The following GMDS variants were observed in gnomAD, a reference collection of about 807,000 sequenced individuals.
GMDS encodes the protein GDP-mannose 4,6-dehydratase, also known as GDP-mannose 4,6 dehydratase.
Under a neutral mutation model 49.9 loss-of-function variants are expected in GMDS, and 20 were observed. The observed-to-expected ratio is 0.40, with a 90% CI of 0.28 to 0.58. The LOEUF (loss-of-function observed/expected upper bound fraction) is 0.58, where lower values mean the gene tolerates loss of function less well. GMDS is among the 20% of genes least tolerant of loss of function. GMDS has a pLI of 0.42. For synonymous variants in GMDS, 177 were observed against 178.6 expected (o/e 0.99, Z 0.07); for missense variants, 362 against 481.4 (o/e 0.75, Z 2.32).
In GMDS at chr6:1,916,238, G is replaced by A. The variant is rs1001958867; in HGVS notation, c.771+13865C>T. On this transcript the variant is annotated intron_variant, in intron 7 of 10. Transcript: ENST00000380815. The stretch of plus-strand genomic sequence containing the variant: ...CAGCCACCTAGTTACAAGGTAGCAC[G>A]CCCACAGTGACCAGCGCTGATGAAA... Among the ~76,000 whole-genome samples, 7 of 152,174 alleles carry A rather than the reference G, an allele frequency of 4.6e-5. No homozygotes were observed. The East Asian group carries it at 7.7e-4, about 17-fold the overall frequency.
intron 4 of GMDS, among the ~76,000 whole-genome samples, chr6:2,068,512 A>G (rs1036334270): frequency 5.3e-5 from 8 of 152,298 alleles, no homozygotes; most frequent in South Asian, 2.1e-4. Flanking sequence ...TATACCTAGA[A>G]AACCCCATTG....
intron 1 of GMDS, among the ~76,000 whole-genome samples, chr6:2,183,048 A>G (rs111687769): frequency 9.2e-5 from 14 of 152,310 alleles, no homozygotes; most frequent in African/African-American, 3.1e-4. Flanking sequence ...CTGACAATGT[A>G]CCTAGTTACC....
chr6:1,726,603 C>G, intron 8 of GMDS, 91 bp from the exon 9 acceptor site: 5 of 879,664 alleles, frequency 5.7e-6, no homozygotes, highest in South Asian at 5.5e-5. Context: ...GCCCTCTCCC[C>G]GCAGGAGCGC....
rs1256314817 is a variant in GMDS at position 1,836,014 on chromosome 6, CCCA to C, written c.772-93431_772-93429del. Among the ~76,000 whole-genome samples, 1 of 152,012 alleles carries C rather than the reference CCCA, an allele frequency of 6.6e-6. No individual in the cohort carries two copies. The highest frequency in any genetic ancestry group is 1.5e-5 in the Non-Finnish European group (1 of 67,970). ...ACCACCGGAGCTGTGACTACAGGTG[CCCA>C]CCACCACGCCTGGCTAATTTTTTGG... is the stretch of plus-strand genomic sequence containing the variant. On this transcript the variant is annotated intron_variant, in intron 7 of 10. Coordinates refer to ENST00000380815, the MANE Select transcript of GMDS (RefSeq NM_001500.4). This position sits in a 1 kb window ranked among gnomAD's most constrained non-coding sequence, Gnocchi z 4.2.
intron 1 of GMDS, among the ~76,000 whole-genome samples, chr6:2,199,177 T>C (rs1420019800): frequency 6.6e-6 from 1 of 152,240 alleles, no homozygotes; most frequent in Non-Finnish European, 1.5e-5. Flanking sequence ...TTACCTTTTG[T>C]TTTTAACTTC....
intron 4 of GMDS, among the ~76,000 whole-genome samples, chr6:2,080,327 T>C (rs541163439): frequency 2.0e-5 from 3 of 152,342 alleles, no homozygotes; most frequent in Admixed American, 1.3e-4. Context: ...TTCTTTTTGA[T>C]CGGAATCATT....
chr6:1,905,392 G>A (rs189853160), intron 7 of GMDS, among the ~76,000 whole-genome samples: 1 of 95,856 alleles, frequency 1.0e-5, no homozygotes, highest in Non-Finnish European at 2.3e-5. Flanking sequence ...GGGTGCTGGC[G>A]TGTAGGTGGG....
intron 4 of GMDS, among the ~76,000 whole-genome samples, chr6:2,112,328 T>A (rs186495348): frequency 2.2e-4 from 33 of 152,324 alleles, no homozygotes; most frequent in Admixed American, 1.4e-3. Flanking sequence ...AGGATTATTT[T>A]ACATCAAACT....
intron 7 of GMDS, among the ~76,000 whole-genome samples, chr6:1,840,920 G>A (rs886678396): frequency 1.4e-4 from 22 of 152,282 alleles, no homozygotes; most frequent in African/African-American, 4.6e-4. Context: ...TTGTGAGGGC[G>A]ACTGTTGCAC....
chr6:1,959,998 T>A (rs1763851464), intron 5 of GMDS, 27 bp from the exon 6 acceptor site: 2 of 1,383,870 alleles, frequency 1.4e-6, no homozygotes, highest in Non-Finnish European at 2.0e-6. Context: ...TTTTAAGCAA[T>A]GAAGTTTGTT....
Position 1,833,347 on chromosome 6 carries a change from T to A in GMDS, c.772-90761A>T, listed in dbSNP as rs1002591255. Among the ~76,000 whole-genome samples the A allele has an allele frequency of 6.6e-6, 1 of 151,674 alleles. No homozygotes were observed. The highest frequency in any genetic ancestry group is 1.9e-4 in the East Asian group (1 of 5,150). ...TCCCTTCCTTCATATGGAAAGCTCATCTCGGAGGTGTCAGGATAAAACATG... is the reference window on the plus strand; with the variant it reads ...TCCCTTCCTTCATATGGAAAGCTCAACTCGGAGGTGTCAGGATAAAACATG... On this transcript the variant is annotated intron_variant, in intron 7 of 10. Coordinates refer to ENST00000380815, the MANE Select transcript of GMDS (RefSeq NM_001500.4). The surrounding 1 kb of genome is among the most constrained non-coding windows in gnomAD (Gnocchi z 4.4).
intron 7 of GMDS, among the ~76,000 whole-genome samples, chr6:1,747,540 C>G (rs1443852675): frequency 6.6e-6 from 1 of 151,588 alleles, no homozygotes. Flanking sequence ...CAGGGGAGAA[C>G]ATGTATGAAA....
chr6:1,692,709 C>G (rs1286996312), intron 9 of GMDS, among the ~76,000 whole-genome samples: 1 of 152,166 alleles, frequency 6.6e-6, no homozygotes, highest in African/African-American at 2.4e-5. Context: ...ATTTTCATGA[C>G]AGACATTATA....
intron 4 of GMDS, among the ~76,000 whole-genome samples, chr6:2,051,838 G>A (rs1461942939): frequency 1.3e-5 from 2 of 152,102 alleles, no homozygotes; most frequent in Non-Finnish European, 2.9e-5. Context: ...AAGTGGGCTG[G>A]CTGGGTGCAG....
intron 1 of GMDS, among the ~76,000 whole-genome samples, chr6:2,207,362 C>T (rs1779852024): frequency 6.6e-6 from 1 of 151,956 alleles, no homozygotes; most frequent in South Asian, 2.1e-4. Context: ...AGCACTGTCA[C>T]TTATGTTCAT....
chr6:2,180,415 T>A (rs982014990), intron 1 of GMDS, among the ~76,000 whole-genome samples: 1 of 152,236 alleles, frequency 6.6e-6, no homozygotes, highest in Non-Finnish European at 1.5e-5. Flanking sequence ...CAATAAATTT[T>A]GATCTTTTCA....
intron 1 of GMDS, among the ~76,000 whole-genome samples, chr6:2,187,790 C>T (rs1778843948): frequency 6.6e-6 from 1 of 152,158 alleles, no homozygotes; most frequent in Non-Finnish European, 1.5e-5. Flanking sequence ...GAAAGGTTTT[C>T]ACACTGAAAT....
At chr6:1,872,695 T>G (rs1271966256) in intron 7 of GMDS, among the ~76,000 whole-genome samples, 3 of 152,266 alleles carry the variant, frequency 2.0e-5, no homozygotes, top group Admixed American at 6.5e-5. Flanking sequence ...GCTAACTCGG[T>G]CAGAGGGCTG....
chr6:2,115,954 A>T, intron 3 of GMDS, 74 bp from the exon 4 acceptor site: 1 of 872,572 alleles, frequency 1.1e-6, no homozygotes, highest in Non-Finnish European at 1.9e-6. Context: ...ATCAAAATTG[A>T]AATGCATATT....
Sources: allele counts gnomAD v4.1 joint callset (sites outside exome capture counted in the v4.1 genomes callset), GRCh38; gene constraint gnomAD v4.1.1; non-coding constraint Gnocchi (gnomAD v3.1); transcripts MANE v1.5; gene names NCBI Gene and HGNC (gene_info 2026-07-23, HGNC 2026-07-21).